The following ARHGAP32 variants were observed in gnomAD, a reference collection of about 807,000 sequenced individuals.
ARHGAP32 encodes Rho GTPase activating protein 32.
ARHGAP32 carries 51 observed loss-of-function variants against 186.5 expected under a neutral mutation model. The observed-to-expected ratio is 0.27, with a 90% confidence interval of 0.22 to 0.35. The LOEUF (loss-of-function observed/expected upper bound fraction) is 0.35. Ranked by LOEUF, ARHGAP32 falls within the 10% of genes least tolerant of loss-of-function variation. The pLI is 1.00. For missense variants in ARHGAP32, 2,186 were observed against 2,623.5 expected, an observed-to-expected ratio of 0.83 and a Z score of 3.64; for synonymous variants, 950 against 964.3, an observed-to-expected ratio of 0.99 and a Z score of 0.27.
At chr11:128,984,818 CAT>C (rs1212185990) in intron 15 of ARHGAP32, among the ~76,000 whole-genome samples, 1 of 151,952 alleles carries the variant, frequency 6.6e-6, no homozygotes, top group East Asian at 1.9e-4. Flanking sequence ...AGATATAAAA[CAT>C]ATATGCAGTG....
intron 10 of ARHGAP32, 60 bp from the exon 11 acceptor site, chr11:129,041,069 C>T (rs1317045533): frequency 9.8e-6 from 11 of 1,126,620 alleles, no homozygotes; most frequent in African/African-American, 7.7e-5. Context: ...TATGTGAACA[C>T]TGCCAACTGA....
At chr11:129,079,923 AGG>A (rs1195875874) in intron 6 of ARHGAP32, among the ~76,000 whole-genome samples, 1,770 of 152,316 alleles carry the variant, frequency 0.012, 33 homozygotes, top group African/African-American at 0.04. Flanking sequence ...TTCCATGCAA[AGG>A]GACACCAAAA....
chr11:129,004,365 T>G (rs1248338940), intron 11 of ARHGAP32, among the ~76,000 whole-genome samples: 1 of 151,426 alleles, frequency 6.6e-6, no homozygotes, highest in Non-Finnish European at 1.5e-5. Flanking sequence ...TTGGATGAAG[T>G]GTCCTGTAAA....
chr11:129,207,073 A>G lies in ARHGAP32; in HGVS notation c.-4-42646T>C, dbSNP rs535329833. The stretch of plus-strand genomic sequence containing the variant: ...TCCAGCATCATCCATGTCCCTGCAA[A>G]GGACATGAACTCATTCTTTTTTATG... On this transcript the variant is annotated intron_variant, in intron 1 of 6. Transcript: ENST00000525234. Among the ~76,000 whole-genome samples, 3 of 152,268 alleles carry G rather than the reference A, an allele frequency of 2.0e-5. No homozygotes were observed. In the South Asian group the frequency reaches 6.2e-4, roughly 32 times the overall value.
intron 10 of ARHGAP32, among the ~76,000 whole-genome samples, chr11:129,054,019 A>G (rs1344427207): frequency 1.3e-5 from 2 of 151,920 alleles, no homozygotes; most frequent in Non-Finnish European, 2.9e-5. Flanking sequence ...AATAAAGATG[A>G]TTTCTCTAAA....
chr11:129,225,251 G>A (rs1258404322), intron 1 of ARHGAP32, among the ~76,000 whole-genome samples: 1 of 152,158 alleles, frequency 6.6e-6, no homozygotes, highest in East Asian at 1.9e-4. Flanking sequence ...ACTTTGAAAA[G>A]TTTAGACATA....
Position 128,969,947 on chromosome 11 carries a change from A to T in ARHGAP32, c.5266T>A (p.Trp1756Arg), listed in dbSNP as rs750730399. ...TATTTTTCCATGTCCTCAAGATCCCATGAGGTGTAGGTGTGCTTCACATCA... is the reference window on the plus strand; with the variant it reads ...TATTTTTCCATGTCCTCAAGATCCCTTGAGGTGTAGGTGTGCTTCACATCA... ...AADVKHTYTS[W>R]DLEDMEKYRM... is the part of the protein sequence containing the mutation. Residue 1756 changes from tryptophan (W) to arginine (R), a missense_variant, in exon 23 of 23, where the codon TGG (tryptophan) becomes AGG (arginine). By Grantham distance (101) the Trp-to-Arg change is moderately radical (BLOSUM62 -3). This residue lies in a region of ARHGAP32 where 1,502 missense variants were observed against 1,570.0 expected (regional missense o/e 0.96). Transcript: ENST00000682385. This position sits in a 1 kb window ranked among gnomAD's most constrained non-coding sequence, Gnocchi z 4.8. 6.2e-7 allele frequency: 1 copy of T among 1,614,080 alleles called. No homozygotes were observed. Among genetic ancestry groups the T allele is most frequent in the East Asian group, 2.2e-5 (1 of 44,876 alleles).
chr11:128,983,784 C>T (rs1463174235), intron 15 of ARHGAP32, among the ~76,000 whole-genome samples: 10 of 151,746 alleles, frequency 6.6e-5, no homozygotes, highest in South Asian at 2.1e-4. Context: ...ATGAGAATTG[C>T]AAATTTAAAA....
intron 6 of ARHGAP32, among the ~76,000 whole-genome samples, chr11:129,083,132 G>T (rs189173889): frequency 6.6e-6 from 1 of 151,930 alleles, no homozygotes; most frequent in Non-Finnish European, 1.5e-5. Context: ...AGGGAAAACT[G>T]GTGAGAATGT....
intron 10 of ARHGAP32, among the ~76,000 whole-genome samples, chr11:129,060,421 T>A (rs1415762891): frequency 1.3e-5 from 2 of 152,076 alleles, no homozygotes; most frequent in Non-Finnish European, 2.9e-5. Flanking sequence ...AGAAAGTTAG[T>A]AGTAACATCA....
At chr11:129,060,692 T>C (rs1334074060) in intron 10 of ARHGAP32, among the ~76,000 whole-genome samples, 5 of 152,248 alleles carry the variant, frequency 3.3e-5, no homozygotes, top group Admixed American at 3.3e-4. Flanking sequence ...TTTTCTGGTC[T>C]TAACAACCAA....
intron 5 of ARHGAP32, among the ~76,000 whole-genome samples, chr11:129,097,442 TA>T (rs1941765264): frequency 6.6e-6 from 1 of 152,026 alleles, no homozygotes; most frequent in Non-Finnish European, 1.5e-5. Context: ...AAACATTATA[TA>T]AACAAAATAG....
At chr11:129,106,215 A>C (rs1942043268) in intron 5 of ARHGAP32, among the ~76,000 whole-genome samples, 1 of 152,168 alleles carries the variant, frequency 6.6e-6, no homozygotes, top group African/African-American at 2.4e-5. Context: ...AAAAAGACGC[A>C]TGCACTCACT....
At chr11:129,064,138 T>TAAA (rs61104154) in intron 8 of ARHGAP32, 114 bp from the exon 9 acceptor site, 161,141 of 631,012 alleles carry the variant, frequency 0.26, 11,527 homozygotes, top group Admixed American at 0.33. Flanking sequence ...CAAAGAGTCT[T>TAAA]AAAAAAAAAA....
intron 2 of ARHGAP32, among the ~76,000 whole-genome samples, chr11:129,152,943 A>G (rs1943321027): frequency 6.6e-6 from 1 of 152,146 alleles, no homozygotes; most frequent in Non-Finnish European, 1.5e-5. Context: ...AGGAAGTCAA[A>G]CTGTCGCTGT....
intron 11 of ARHGAP32, among the ~76,000 whole-genome samples, chr11:129,005,291 C>T (rs1242293967): frequency 6.6e-6 from 1 of 152,170 alleles, no homozygotes; most frequent in Non-Finnish European, 1.5e-5. Context: ...GAGCAGTTTA[C>T]ACACCACAGT....
At chr11:128,989,764 T>A (rs1945992951) in intron 12 of ARHGAP32, among the ~76,000 whole-genome samples, 1 of 150,814 alleles carries the variant, frequency 6.6e-6, no homozygotes, top group Non-Finnish European at 1.5e-5. Flanking sequence ...CCCTATTCCA[T>A]GTGTTCTCAT....
chr11:129,064,330 C>A (rs778309354), intron 8 of ARHGAP32, among the ~76,000 whole-genome samples: 1 of 152,050 alleles, frequency 6.6e-6, no homozygotes, highest in African/African-American at 2.4e-5. Flanking sequence ...AAGATCTCAA[C>A]GCAGGTTGGC....
chr11:129,120,349 G>A (rs756456746), intron 5 of ARHGAP32, among the ~76,000 whole-genome samples: 1 of 152,080 alleles, frequency 6.6e-6, no homozygotes, highest in Non-Finnish European at 1.5e-5. Flanking sequence ...TTCTTGGCAC[G>A]CTGCAATGAT....
Sources: gnomAD v4.1 joint callset for allele counts (sites outside exome capture counted in the v4.1 genomes callset) on GRCh38, gnomAD v4.1.1 for gene constraint, gnomAD v4.1.1 regional missense constraint, Gnocchi (gnomAD v3.1) non-coding constraint, MANE v1.5 for transcripts, NCBI Gene and HGNC (gene_info 2026-07-23, HGNC 2026-07-21) for gene names.